The following CDK7 variants were observed in gnomAD, a reference collection of about 807,000 sequenced individuals.
The protein encoded by CDK7 is cyclin dependent kinase 7, also known as cyclin-dependent kinase 7.
In CDK7, 25 loss-of-function variants were observed where a neutral mutation model predicts 49.1. The ratio of observed to expected loss-of-function variants is 0.51; its 90% CI spans 0.37 to 0.71. CDK7 has a LOEUF of 0.71. Ranked by LOEUF, CDK7 falls within the 30% of genes least tolerant of loss-of-function variation. CDK7 has a pLI of 0.00. For synonymous variants in CDK7, 107 were observed against 140.0 expected (o/e 0.76, Z 1.67); for missense variants, 316 against 411.7 (o/e 0.77, Z 2.01).
intron 8 of CDK7, among the ~76,000 whole-genome samples, chr5:69,264,774 C>T (rs996397607): frequency 6.6e-6 from 1 of 150,654 alleles, no homozygotes; most frequent in Non-Finnish European, 1.5e-5. Flanking sequence ...AGTTTGAGAC[C>T]AGCCTGGCCA....
At chr5:69,262,333 A>G in intron 8 of CDK7, 29 bp downstream of exon 8, 1 of 1,613,916 alleles carries the variant, frequency 6.2e-7, no homozygotes. Flanking sequence ...ACGCACTTTA[A>G]TATTGTTGTT....
intron 2 of CDK7, among the ~76,000 whole-genome samples, chr5:69,238,919 A>G (rs909862466): frequency 6.6e-6 from 1 of 152,108 alleles, no homozygotes; most frequent in African/African-American, 2.4e-5. Context: ...CGTATGATAC[A>G]TGTAGATCCA....
intron 2 of CDK7, among the ~76,000 whole-genome samples, chr5:69,243,826 GT>G (rs747576681): frequency 0.011 from 734 of 66,326 alleles, 6 homozygotes; most frequent in African/African-American, 0.035. Context: ...AATGATAGTT[GT>G]TTTTTTTTTT....
At chr5:69,245,781 GTTGT>G (rs1447536064) in intron 2 of CDK7, among the ~76,000 whole-genome samples, 3 of 152,138 alleles carry the variant, frequency 2.0e-5, no homozygotes, top group African/African-American at 7.2e-5. Context: ...ATCTTGGTAG[GTTGT>G]TTGTGTCTAG....
rs1328515809 is a variant in CDK7 at position 69,259,678 on chromosome 5, T to C, written c.409-140T>C. 4.7e-6 allele frequency: 3 copies of C among 638,460 alleles called. No individual in the cohort carries two copies. In the East Asian group the frequency reaches 7.7e-5, roughly 16 times the overall value. 39.5% of individuals were successfully genotyped at this position (638,460 alleles called of 1,614,324 possible). A position where few individuals can be genotyped will look rare whatever the true frequency, so the allele number is the denominator to read the frequency against. Reference sequence around the variant, plus strand: ...AATTTTGCTTTGATGGGATTTTATATCAGTGGGAAAAAAATTGATTGTTTA... The same window carrying C: ...AATTTTGCTTTGATGGGATTTTATACCAGTGGGAAAAAAATTGATTGTTTA... On this transcript the variant is annotated intron_variant, in intron 6 of 11. Coordinates refer to ENST00000256443, the MANE Select transcript of CDK7 (RefSeq NM_001799.4).
In CDK7 at chr5:69,235,427, A is replaced by G; in HGVS notation, c.100A>G (p.Thr34Ala). ...CGTTTACAAGGCCAGAGATAAGAAC[A>G]CCAACCAAATTGTCGCCATTAAGAA... ...ATVYKARDKN[T>A]NQIVAIKKIK... The change falls in exon 2 of 12, where the codon ACC (threonine) becomes GCC (alanine). Residue 34 changes from threonine to alanine, a missense_variant. Coordinates refer to ENST00000256443, the MANE Select transcript of CDK7 (RefSeq NM_001799.4). The G allele has an allele frequency of 6.2e-7, 1 of 1,603,332 alleles. No individual in the cohort carries two copies. The highest frequency in any genetic ancestry group is 8.5e-7 in the Non-Finnish European group (1 of 1,170,440).
At chr5:69,239,669 A>G (rs1749239155) in intron 2 of CDK7, among the ~76,000 whole-genome samples, 1 of 152,126 alleles carries the variant, frequency 6.6e-6, no homozygotes, top group African/African-American at 2.4e-5. Context: ...TATTTATGGT[A>G]TCTTTGAGGT....
intron 9 of CDK7, among the ~76,000 whole-genome samples, chr5:69,270,083 AATTAAACTT>A (rs1751432402): frequency 3.8e-5 from 3 of 79,658 alleles, no homozygotes; most frequent in African/African-American, 9.8e-5. Context: ...AAAAAAAAAA[AATTAAACTT>A]CTTATTTTGA....
chr5:69,271,016 G>A (rs1464528979), intron 9 of CDK7, among the ~76,000 whole-genome samples: 1 of 152,056 alleles, frequency 6.6e-6, no homozygotes, highest in Non-Finnish European at 1.5e-5. Context: ...GAGTCATATG[G>A]TAGTTACATA....
chr5:69,237,796 C>T (rs189081597), intron 2 of CDK7, among the ~76,000 whole-genome samples: 6 of 152,260 alleles, frequency 3.9e-5, no homozygotes, highest in Admixed American at 3.9e-4. Context: ...TACTAAAATA[C>T]AAAAATTAGC....
intron 1 of CDK7, 139 bp from the exon 2 acceptor site, chr5:69,235,255 G>C (rs373801417): frequency 2.5e-6 from 2 of 784,802 alleles, no homozygotes; most frequent in Non-Finnish European, 4.4e-6. Context: ...GGAGCTGGAC[G>C]GAGACTGACC....
chr5:69,235,545 T>C (rs537144767), intron 2 of CDK7, 92 bp downstream of exon 2: 2 of 841,192 alleles, frequency 2.4e-6, no homozygotes, highest in East Asian at 5.0e-5. Context: ...TTGACCATAC[T>C]CTGATAATGA....
intron 11 of CDK7, 54 bp downstream of exon 11, chr5:69,276,744 C>T (rs750961947): frequency 6.8e-7 from 1 of 1,468,366 alleles, no homozygotes; most frequent in South Asian, 1.2e-5. Flanking sequence ...CTCCAAATAG[C>T]TCGTGTATGG....
chr5:69,258,149 A>G lies in CDK7; in HGVS notation c.404A>G (p.His135Arg), dbSNP rs142560750. 31 of 1,478,552 alleles carry G rather than the reference A, an allele frequency of 2.1e-5. No individual in the cohort carries two copies. The highest frequency in any genetic ancestry group is 2.8e-5 in the African/African-American group (2 of 71,172). The allele number at this position is 1,478,552 out of a possible 1,614,324, so 91.6% of individuals were successfully genotyped here. Residue 135 changes from histidine (H) to arginine (R), a missense_variant, in exon 6 of 12, where the codon CAT becomes CGT. Transcript: ENST00000256443. ...LEYLHQHWIL[H>R]RDLKPNNLLL... ...TATTTACATCAACATTGGATCCTAC[A>G]TAGGGTAAGGTTTTTAATATTGCTT...
chr5:69,234,979 G>A lies in CDK7; in HGVS notation c.4G>A (p.Ala2Thr), dbSNP rs1748849188. M[A>T]LDVKSRAKRY... ...GAGTCGGGCTTTACGGCGCCGGATG[G>A]CTCTGGACGTGAAGTCTCGGGCAAA... Residue 2 changes from alanine to threonine, a missense_variant, in exon 1 of 12, where the codon GCT (alanine) becomes ACT (threonine). Physicochemically the swap from Ala to Thr is moderately conservative, Grantham distance 58. Transcript: ENST00000256443. 2 of 1,595,778 alleles carry A rather than the reference G, an allele frequency of 1.3e-6. No individual in the cohort carries two copies. Among genetic ancestry groups the A allele is most frequent in the Non-Finnish European group, 1.7e-6 (2 of 1,171,600 alleles).
In CDK7 at chr5:69,263,303, T is replaced by C. The variant is rs144316898; in HGVS notation, c.627+999T>C. The stretch of plus-strand genomic sequence containing the variant: ...CCCTGCTCTCCCTCTCCTTAAGCCA[T>C]ATGTATTTAAAGAAATTCAAACCAA... On this transcript the variant is annotated intron_variant, in intron 8 of 11. Coordinates refer to ENST00000256443, the MANE Select transcript of CDK7 (RefSeq NM_001799.4). 4.8e-3 allele frequency among the ~76,000 whole-genome samples: 735 copies of C among 152,322 alleles called. 11 individuals are homozygous for C. Among genetic ancestry groups the C allele is most frequent in the African/African-American group, 0.017 (704 of 41,574 alleles).
chr5:69,248,649 A>G (rs1749915738), intron 2 of CDK7, among the ~76,000 whole-genome samples: 1 of 152,066 alleles, frequency 6.6e-6, no homozygotes, highest in African/African-American at 2.4e-5. Flanking sequence ...CGGCCTCCCA[A>G]AGTGCTGGAA....
intron 8 of CDK7, among the ~76,000 whole-genome samples, chr5:69,268,507 GT>G (rs1338495179): frequency 6.6e-6 from 1 of 152,144 alleles, no homozygotes; most frequent in Non-Finnish European, 1.5e-5. Context: ...TCGTTGCAGA[GT>G]TTTTAAGTTT....
At chr5:69,260,384 GTCAT>G (rs1750741921) in intron 7 of CDK7, among the ~76,000 whole-genome samples, 1 of 151,780 alleles carries the variant, frequency 6.6e-6, no homozygotes, top group Non-Finnish European at 1.5e-5. Flanking sequence ...AAAAAAACCT[GTCAT>G]TTTTATGTTA....
Sources: gnomAD v4.1 joint callset for allele counts (sites outside exome capture counted in the v4.1 genomes callset) on GRCh38, gnomAD v4.1.1 for gene constraint, MANE v1.5 for transcripts, NCBI Gene and HGNC (gene_info 2026-07-23, HGNC 2026-07-21) for gene names.